ZNF804B: variants seen among roughly 807,000 people sequenced by gnomAD.
ZNF804B encodes zinc finger protein 804B, also known as zinc finger 804B.
In ZNF804B, 80 loss-of-function variants were observed where a neutral mutation model predicts 101.4. The observed-to-expected ratio is 0.79, with a 90% CI of 0.66 to 0.95. The LOEUF is 0.95. ZNF804B is among the 40% of genes least tolerant of loss of function. The pLI is 0.00. For synonymous variants in ZNF804B, 622 were observed against 558.8 expected (o/e 1.11, Z -1.59); for missense variants, 1,673 against 1,561.9 (o/e 1.07, Z -1.20).
At chr7:88,809,149 CCTTA>C (rs1283017840) in intron 1 of ZNF804B, among the ~76,000 whole-genome samples, 2 of 152,078 alleles carry the variant, frequency 1.3e-5, no homozygotes, top group Admixed American at 1.3e-4. Flanking sequence ...AAAGAATCTG[CCTTA>C]CTAAGTAACA....
chr7:88,999,648 T>A (rs1467534572), intron 1 of ZNF804B, among the ~76,000 whole-genome samples: 1 of 152,004 alleles, frequency 6.6e-6, no homozygotes, highest in African/African-American at 2.4e-5. Flanking sequence ...TAATTTGAAA[T>A]TTAAAATAGC....
chr7:88,965,063 ATAAGT>A (rs1793435341), intron 1 of ZNF804B, among the ~76,000 whole-genome samples: 1 of 151,452 alleles, frequency 6.6e-6, no homozygotes, highest in Admixed American at 6.6e-5. Context: ...AACCCAGGAA[ATAAGT>A]TAAACATTTG....
chr7:89,252,818 T>A lies in ZNF804B; in HGVS notation c.249+34523T>A, dbSNP rs141750816. On this transcript the variant is annotated intron_variant, in intron 2 of 3. Transcript: ENST00000333190. ...GATGCCTCGTGTTTGCACTTACAATTGGGAGCTAAATACTAGTTACACATG... is the reference window on the plus strand; with the variant it reads ...GATGCCTCGTGTTTGCACTTACAATAGGGAGCTAAATACTAGTTACACATG... Among the ~76,000 whole-genome samples, 576 of 152,238 alleles carry A rather than the reference T, an allele frequency of 3.8e-3. 3 individuals carry two copies. Among genetic ancestry groups the A allele is most frequent in the African/African-American group, 0.013 (553 of 41,544 alleles).
chr7:89,214,586 A>G (rs1788858639), intron 1 of ZNF804B, among the ~76,000 whole-genome samples: 1 of 152,286 alleles, frequency 6.6e-6, no homozygotes, highest in Admixed American at 6.5e-5. Context: ...TTCAACAAAA[A>G]GCCAAGAAAT....
At chr7:89,326,429 A>G (rs554874027) in intron 2 of ZNF804B, among the ~76,000 whole-genome samples, 33 of 152,210 alleles carry the variant, frequency 2.2e-4, no homozygotes, top group African/African-American at 7.2e-4. Flanking sequence ...CATGATAACT[A>G]TGTAGTTTTC....
chr7:89,024,062 TG>T (rs1356109916), intron 1 of ZNF804B, among the ~76,000 whole-genome samples: 1 of 152,190 alleles, frequency 6.6e-6, no homozygotes, highest in Non-Finnish European at 1.5e-5. Context: ...CTTCACATTT[TG>T]CATTAAAACA....
chr7:89,191,659 A>C (rs554542522), intron 1 of ZNF804B, among the ~76,000 whole-genome samples: 9 of 152,264 alleles, frequency 5.9e-5, no homozygotes, highest in South Asian at 2.1e-4. Flanking sequence ...TATATTTTAA[A>C]AAAGTATTTG....
At chr7:88,818,300 G>A (rs114802810) in intron 1 of ZNF804B, among the ~76,000 whole-genome samples, 3,145 of 152,116 alleles carry the variant, frequency 0.021, 101 homozygotes, top group African/African-American at 0.072. Flanking sequence ...CAAAAATCTC[G>A]AGTTGGCATA....
intron 1 of ZNF804B, among the ~76,000 whole-genome samples, chr7:88,781,784 T>C (rs1423269356): frequency 1.3e-5 from 2 of 152,110 alleles, no homozygotes; most frequent in Non-Finnish European, 2.9e-5. Context: ...CTTTCTGCCA[T>C]GTGTGAGTAG....
intron 1 of ZNF804B, among the ~76,000 whole-genome samples, chr7:88,861,962 G>C (rs536935571): frequency 6.6e-6 from 1 of 152,044 alleles, no homozygotes; most frequent in African/African-American, 2.4e-5. Flanking sequence ...TGTTGGGGCT[G>C]GGGGGACCCA....
At chr7:89,327,520 T>A (rs377039367) in intron 3 of ZNF804B, 46 bp downstream of exon 3, 28 of 1,580,924 alleles carry the variant, frequency 1.8e-5, no homozygotes, top group Non-Finnish European at 2.2e-5. Context: ...CTCGTCAACC[T>A]ATGGGGAAAT....
intron 1 of ZNF804B, among the ~76,000 whole-genome samples, chr7:89,018,110 G>A (rs374880602): frequency 2.6e-5 from 4 of 152,020 alleles, no homozygotes; most frequent in African/African-American, 9.7e-5. Context: ...TAGAGGACAG[G>A]CTTTCCGTTT....
chr7:89,293,659 C>T (rs1790333161), intron 2 of ZNF804B, among the ~76,000 whole-genome samples: 1 of 152,052 alleles, frequency 6.6e-6, no homozygotes, highest in African/African-American at 2.4e-5. Context: ...GTGGCAGGCA[C>T]CTGTAGTCCC....
chr7:89,113,136 G>A (rs1396036727), intron 1 of ZNF804B, among the ~76,000 whole-genome samples: 1 of 152,194 alleles, frequency 6.6e-6, no homozygotes, highest in African/African-American at 2.4e-5. Context: ...TAGTGAAAAT[G>A]TCAGAGGTGA....
At chr7:89,118,100 C>T (rs1790338500) in intron 1 of ZNF804B, among the ~76,000 whole-genome samples, 1 of 152,102 alleles carries the variant, frequency 6.6e-6, no homozygotes, top group Non-Finnish European at 1.5e-5. Context: ...GATGAACCTT[C>T]TTTCACATCC....
chr7:88,889,953 A>G (rs536107281), intron 1 of ZNF804B, among the ~76,000 whole-genome samples: 1 of 152,246 alleles, frequency 6.6e-6, no homozygotes, highest in South Asian at 2.1e-4. Flanking sequence ...ATTTTTGTAT[A>G]TTGTGAGAGA....
intron 1 of ZNF804B, chr7:88,794,650 T>A: frequency 6.2e-7 from 1 of 1,613,818 alleles, no homozygotes; most frequent in Non-Finnish European, 8.5e-7. Flanking sequence ...CTCGAGGATA[T>A]GCAGAATGGA....
chr7:88,846,935 TACACACAC>T (rs34253376), intron 1 of ZNF804B, among the ~76,000 whole-genome samples: 2 of 149,654 alleles, frequency 1.3e-5, no homozygotes, highest in South Asian at 2.1e-4. Flanking sequence ...TAAATGTGTA[TACACACAC>T]ACACACACAC....
intron 1 of ZNF804B, among the ~76,000 whole-genome samples, chr7:89,030,824 T>C (rs982456305): frequency 2.6e-4 from 40 of 152,146 alleles, no homozygotes; most frequent in African/African-American, 9.4e-4. Context: ...CCTCCAGTTT[T>C]AATGAAGTGT....
Sources: allele counts gnomAD v4.1 joint callset (sites outside exome capture counted in the v4.1 genomes callset), GRCh38; gene constraint gnomAD v4.1.1; transcripts MANE v1.5; gene names NCBI Gene and HGNC (gene_info 2026-07-23, HGNC 2026-07-21).